DST: variants seen among roughly 807,000 people sequenced by gnomAD.
The protein encoded by DST is bullous pemphigoid antigen.
Under a neutral mutation model 875.2 loss-of-function variants are expected in DST, and 253 were observed. The observed-to-expected ratio is 0.29, with a 90% CI of 0.26 to 0.32. The LOEUF (loss-of-function observed/expected upper bound fraction) is 0.32, where lower values mean the gene tolerates loss of function less well. Among genes scored for constraint, DST ranks in the 10% least tolerant of loss-of-function variants. DST has a pLI of 1.00. For synonymous variants in DST, 3,124 were observed against 3,197.1 expected, an observed-to-expected ratio of 0.98 and a Z score of 0.77; for missense variants, 8,287 against 9,111.6, an observed-to-expected ratio of 0.91 and a Z score of 3.68.
chr6:56,557,472 T>C lies in DST; in HGVS notation c.14487A>G (p.Gln4829=), dbSNP rs777256376. 2 of 1,613,640 alleles carry C rather than the reference T, an allele frequency of 1.2e-6. No homozygotes were observed. Among genetic ancestry groups the C allele is most frequent in the African/African-American group, 2.7e-5 (2 of 75,048 alleles). ...GATTATTGGAGGATTCTTCCAGTTT[T>C]TGTTGTCTATCAATTGTTAATTGAT... The part of the protein sequence containing the change: ...ELNQLTIDRQ[Q]KLEESSNNLT... The change falls in exon 59 of 104, where the codon CAA becomes CAG. Residue 4829 remains glutamine, a synonymous_variant. Coordinates refer to ENST00000680361, the MANE Select transcript of DST (RefSeq NM_001374736.1).
intron 4 of DST, among the ~76,000 whole-genome samples, chr6:56,835,658 A>T (rs1020728845): frequency 6.6e-6 from 1 of 152,206 alleles, no homozygotes; most frequent in Non-Finnish European, 1.5e-5. Flanking sequence ...TCCCGCCTTT[A>T]TTAACCCAGT....
intron 33 of DST, 117 bp from the exon 34 acceptor site, chr6:56,627,404 T>A: frequency 1.3e-6 from 1 of 783,736 alleles, no homozygotes. Context: ...CCTTAGCCCT[T>A]TGCACTTAAT....
At chr6:56,562,772 T>G (rs2097560522) in intron 55 of DST, among the ~76,000 whole-genome samples, 3 of 148,912 alleles carry the variant, frequency 2.0e-5, no homozygotes, top group Non-Finnish European at 4.4e-5. Context: ...CGGTGTGTAA[T>G]GTTCCCATCC....
intron 29 of DST, 71 bp from the exon 30 acceptor site, chr6:56,631,460 A>G: frequency 8.2e-7 from 1 of 1,217,560 alleles, no homozygotes; most frequent in Admixed American, 1.9e-5. Context: ...AAACTAGTTG[A>G]AAAACACACA....
At chr6:56,711,009 G>C (rs2099361076) in intron 5 of DST, among the ~76,000 whole-genome samples, 3 of 148,108 alleles carry the variant, frequency 2.0e-5, no homozygotes, top group South Asian at 4.1e-4. Flanking sequence ...AAATAATAGA[G>C]AGTTTTTTTT....
At chr6:56,850,300 G>A (rs559990917) in intron 4 of DST, among the ~76,000 whole-genome samples, 49 of 152,044 alleles carry the variant, frequency 3.2e-4, no homozygotes, top group Middle Eastern at 6.8e-3. Context: ...TCCCACTGGG[G>A]GGACAAAAAG....
At chr6:56,904,625 GA>G in intron 2 of DST, among the ~76,000 whole-genome samples, 1 of 152,092 alleles carries the variant, frequency 6.6e-6, no homozygotes, top group East Asian at 1.9e-4. Context: ...AAACAACGAT[GA>G]CCGTTCACCT....
intron 3 of DST, among the ~76,000 whole-genome samples, chr6:56,895,847 T>C (rs1592197900): frequency 8.5e-5 from 1 of 11,830 alleles, no homozygotes; most frequent in African/African-American, 6.6e-4. Context: ...AAACCCCATC[T>C]CCACCAAAAA....
intron 4 of DST, among the ~76,000 whole-genome samples, chr6:56,769,111 C>A (rs1204803025): frequency 6.6e-6 from 1 of 152,062 alleles, no homozygotes; most frequent in African/African-American, 2.4e-5. Flanking sequence ...AGAAAGCAAA[C>A]AACTCAGTTT....
intron 3 of DST, among the ~76,000 whole-genome samples, chr6:56,886,744 C>G (rs1784840390): frequency 6.9e-6 from 1 of 144,436 alleles, no homozygotes; most frequent in Non-Finnish European, 1.5e-5. Context: ...CCATTGCACT[C>G]CAGCCTAGGC....
At position 56,517,222 on chromosome 6, in the gene DST, A is replaced by G; in HGVS notation, c.18333T>C (p.Ser6111=). ...KSGHKIMTAC[S]EEEKQSMKKK... ...CCTTCATTGATTGCTTTTCCTCTTC[A>G]CTGCATGCGGTCATGATTTTATGCC... The change falls in exon 71 of 104, where the codon AGT becomes AGC. Residue 6111 remains serine (S), a synonymous_variant. Transcript: ENST00000680361. 6.2e-7 allele frequency: 1 copy of G among 1,613,054 alleles called. No individual in the cohort carries two copies. Among genetic ancestry groups the G allele is most frequent in the South Asian group, 1.1e-5 (1 of 91,032 alleles).
chr6:56,653,999 G>T (rs1368710943), intron 10 of DST, among the ~76,000 whole-genome samples: 1 of 152,132 alleles, frequency 6.6e-6, no homozygotes, highest in Non-Finnish European at 1.5e-5. Flanking sequence ...AACAGGAAAT[G>T]TCATTTCCAT....
At chr6:56,618,516 G>A (rs778505680) in intron 36 of DST, 30 of 1,613,950 alleles carry the variant, frequency 1.9e-5, no homozygotes, top group Non-Finnish European at 2.1e-5. Context: ...TCAACCTCAC[G>A]CTTCTGGGCT....
At chr6:56,934,081 G>A (rs971180771) in intron 2 of DST, among the ~76,000 whole-genome samples, 6 of 151,896 alleles carry the variant, frequency 4.0e-5, no homozygotes, top group African/African-American at 1.5e-4. Context: ...TGCTCAGGCT[G>A]GTCACAAACT....
rs116838186 is a variant in DST at position 56,493,394 on chromosome 6, T to C, written c.20395-305A>G. 7.8e-3 allele frequency among the ~76,000 whole-genome samples: 1,186 copies of C among 152,238 alleles called. 17 individuals are homozygous for C. Among genetic ancestry groups the C allele is most frequent in the African/African-American group, 0.027 (1,120 of 41,548 alleles). On this transcript the variant is annotated intron_variant, in intron 83 of 103. Coordinates refer to ENST00000680361, the MANE Select transcript of DST (RefSeq NM_001374736.1). ...TAAATATAATCTGTAAAAAGAAAAG[T>C]TGACATTCATACAATTAATTTGGGG...
chr6:56,547,495 T>G (rs370613413), intron 61 of DST, among the ~76,000 whole-genome samples: 2 of 152,212 alleles, frequency 1.3e-5, no homozygotes, highest in East Asian at 3.8e-4. Context: ...GTAGCTTCAT[T>G]AACAAAAATC....
chr6:56,727,696 A>AGG (rs2099469800), intron 5 of DST, among the ~76,000 whole-genome samples: 2 of 152,192 alleles, frequency 1.3e-5, no homozygotes, highest in Non-Finnish European at 2.9e-5. Context: ...GCCAAGATAG[A>AGG]GTATATGAGG....
At position 56,497,505 on chromosome 6, in the gene DST, G is replaced by A. The variant is rs188197970; in HGVS notation, c.20097C>T (p.Ala6699=). The change falls in exon 82 of 104, where the codon GCC becomes GCT. Residue 6699 remains alanine, a splice_region_variant and synonymous_variant. Transcript: ENST00000680361. ...CCTCAATTTCGCCATGGAACCCTTTGGCCTGAAGTAATAGGCAGTTTTAAG... is the reference window on the plus strand; with the variant it reads ...CCTCAATTTCGCCATGGAACCCTTTAGCCTGAAGTAATAGGCAGTTTTAAG... ...KQQLDGALRQ[A]KGFHGEIEDL... The A allele has an allele frequency of 1.1e-4, 181 of 1,612,436 alleles. No individual in the cohort carries two copies. In the African/African-American group the frequency reaches 2.0e-3, roughly 17 times the overall value.
chr6:56,942,828 C>T (rs1817383769), intron 2 of DST, among the ~76,000 whole-genome samples: 2 of 151,358 alleles, frequency 1.3e-5, no homozygotes, highest in Non-Finnish European at 2.9e-5. Flanking sequence ...AGCAGTCAGC[C>T]GCCTCAGCCT....
Sources: gnomAD v4.1 joint callset for allele counts (sites outside exome capture counted in the v4.1 genomes callset) on GRCh38, gnomAD v4.1.1 for gene constraint, MANE v1.5 for transcripts, NCBI Gene and HGNC (gene_info 2026-07-23, HGNC 2026-07-21) for gene names.